The following ZFAT variants were observed in gnomAD, a reference collection of about 807,000 sequenced individuals.
ZFAT encodes zinc finger and AT-hook domain containing.
In ZFAT, 64 loss-of-function variants were observed where a neutral mutation model predicts 117.7. The ratio of observed to expected loss-of-function variants is 0.54; its 90% CI spans 0.44 to 0.67. The LOEUF is 0.67. Ranked by LOEUF, ZFAT falls within the 30% of genes least tolerant of loss-of-function variation. ZFAT has a pLI of 0.00. For synonymous variants in ZFAT, 679 were observed against 615.0 expected, an observed-to-expected ratio of 1.10 and a Z score of -1.54; for missense variants, 1,433 against 1,584.5, an observed-to-expected ratio of 0.90 and a Z score of 1.62.
At chr8:134,625,785 G>C (rs1829455618) in intron 3 of ZFAT, among the ~76,000 whole-genome samples, 1 of 151,672 alleles carries the variant, frequency 6.6e-6, no homozygotes, top group African/African-American at 2.4e-5. Flanking sequence ...AGATGTACAG[G>C]CTGCTGGGCA....
chr8:134,752,934 G>A, the ZFAT span, among the ~76,000 whole-genome samples: 1 of 152,148 alleles, frequency 6.6e-6, no homozygotes, highest in African/African-American at 2.4e-5. Context: ...GAATTTGGGG[G>A]TGGGGGAAGA....
At chr8:134,628,045 A>G (rs1212593927) in intron 3 of ZFAT, among the ~76,000 whole-genome samples, 1 of 152,182 alleles carries the variant, frequency 6.6e-6, no homozygotes, top group Non-Finnish European at 1.5e-5. Flanking sequence ...GAAGCTGAGC[A>G]CAAGGGAGGG....
At chr8:134,649,505 G>A (rs571425367) in intron 2 of ZFAT, among the ~76,000 whole-genome samples, 6 of 152,170 alleles carry the variant, frequency 3.9e-5, no homozygotes, top group African/African-American at 1.2e-4. Flanking sequence ...AACAAGTCCA[G>A]CAAAATTGCA....
At chr8:134,790,411 T>G in the ZFAT span, among the ~76,000 whole-genome samples, 1 of 152,186 alleles carries the variant, frequency 6.6e-6, no homozygotes, top group Non-Finnish European at 1.5e-5. Context: ...TCAGTTTTCT[T>G]GCTCGGTTAA....
chr8:134,509,588 A>G (rs1448210452), intron 15 of ZFAT, 31 bp downstream of exon 15: 1 of 1,612,362 alleles, frequency 6.2e-7, no homozygotes, highest in Non-Finnish European at 8.5e-7. Flanking sequence ...AGACACACAG[A>G]GATGAATAGT....
chr8:134,686,261 G>A (rs1383550799), intron 1 of ZFAT, among the ~76,000 whole-genome samples: 1 of 152,186 alleles, frequency 6.6e-6, no homozygotes, highest in East Asian at 1.9e-4. Context: ...AGAGGAATAA[G>A]CCTAACCCAG....
chr8:134,503,201 T>C (rs993696130), intron 15 of ZFAT, among the ~76,000 whole-genome samples: 1 of 152,206 alleles, frequency 6.6e-6, no homozygotes, highest in East Asian at 1.9e-4. Context: ...CATGGAGGAC[T>C]CCTGGGGGTT....
chr8:134,782,886 G>GTC, the ZFAT span, among the ~76,000 whole-genome samples: 23 of 151,994 alleles, frequency 1.5e-4, 1 homozygote, highest in Admixed American at 5.9e-4. Flanking sequence ...AATGAGACAA[G>GTC]TAAGTTTTAT....
intron 1 of ZFAT, among the ~76,000 whole-genome samples, chr8:134,705,498 T>C (rs967087861): frequency 1.1e-4 from 16 of 151,674 alleles, no homozygotes; most frequent in African/African-American, 3.9e-4. Flanking sequence ...ATTGAAGGCA[T>C]GAGCCACCAC....
chr8:134,666,859 A>C (rs893273588), intron 1 of ZFAT, among the ~76,000 whole-genome samples: 5 of 152,240 alleles, frequency 3.3e-5, no homozygotes, highest in African/African-American at 1.2e-4. Context: ...TATAGCTGAA[A>C]ACTTTCAAAA....
chr8:134,751,287 G>A, the ZFAT span, among the ~76,000 whole-genome samples: 1 of 152,298 alleles, frequency 6.6e-6, no homozygotes, highest in Non-Finnish European at 1.5e-5. Context: ...ACTTTTCACT[G>A]GGGTCAGGGG....
chr8:134,775,287 A>G, the ZFAT span, among the ~76,000 whole-genome samples: 15 of 152,312 alleles, frequency 9.8e-5, no homozygotes, highest in African/African-American at 3.6e-4. Context: ...TGTGTGCTGT[A>G]TATTACAATT....
intron 12 of ZFAT, among the ~76,000 whole-genome samples, chr8:134,524,389 AATTTTATTCCATG>A (rs1820875769): frequency 1.3e-5 from 2 of 152,192 alleles, no homozygotes; most frequent in South Asian, 4.1e-4. Flanking sequence ...CCATCTTTCA[AATTTTATTCCATG>A]GGAGAGTAAC....
the ZFAT span, chr8:134,784,761 G>A: frequency 3.3e-5 from 5 of 151,968 alleles, no homozygotes. Context: ...GTCAAAATAT[G>A]ACCAATATAG....
At chr8:134,779,870 G>A in the ZFAT span, among the ~76,000 whole-genome samples, 7,191 of 152,088 alleles carry the variant, frequency 0.047, 242 homozygotes, top group Non-Finnish European at 0.076. Context: ...AACCCTGAAG[G>A]TAGGATAAAT....
Position 134,600,552 on chromosome 8 carries a change from G to A in ZFAT, c.2359C>T (p.Arg787Cys), listed in dbSNP as rs775184032. ...YSSITKNCLK[R>C]HVIQKHSNIL... ...TTACTGTGTTTCTGAATTACGTGGCGTTTAAGGCAGTTTTTGGTGATGGAA... is the reference window on the plus strand; with the variant it reads ...TTACTGTGTTTCTGAATTACGTGGCATTTAAGGCAGTTTTTGGTGATGGAA... Residue 787 changes from arginine to cysteine, a missense_variant, in exon 7 of 16, where the codon CGC (arginine) becomes TGC (cysteine). Physicochemically the swap from Arg to Cys is radical, Grantham distance 180 (BLOSUM62 -3). Around this residue, in one of 5 missense-constraint regions of ZFAT, gnomAD observed 49 missense variants for 81.5 expected, o/e 0.60. Coordinates refer to ENST00000377838, the MANE Select transcript of ZFAT (RefSeq NM_020863.4). 3.1e-6 allele frequency: 5 copies of A among 1,614,138 alleles called. No homozygotes were observed. The highest frequency in any genetic ancestry group is 2.2e-5 in the East Asian group (1 of 44,888).
At chr8:134,514,993 G>A (rs1272337616) in intron 13 of ZFAT, among the ~76,000 whole-genome samples, 1 of 152,028 alleles carries the variant, frequency 6.6e-6, no homozygotes, top group Non-Finnish European at 1.5e-5. Context: ...GGTGTGTGAC[G>A]TTCCCCTCCC....
intron 1 of ZFAT, among the ~76,000 whole-genome samples, chr8:134,683,152 A>C (rs1833151049): frequency 6.6e-6 from 1 of 152,248 alleles, no homozygotes; most frequent in African/African-American, 2.4e-5. Flanking sequence ...CCCCCTTAGA[A>C]GTGGCTCCCT....
chr8:134,812,970 A>G, the ZFAT span, among the ~76,000 whole-genome samples: 2 of 152,212 alleles, frequency 1.3e-5, no homozygotes, highest in South Asian at 4.1e-4. Context: ...CTGGCTTCAG[A>G]GCCTACTCTC....
Sources: gnomAD v4.1 joint callset for allele counts (sites outside exome capture counted in the v4.1 genomes callset) on GRCh38, gnomAD v4.1.1 for gene constraint, gnomAD v4.1.1 regional missense constraint, MANE v1.5 for transcripts, NCBI Gene and HGNC (gene_info 2026-07-23, HGNC 2026-07-21) for gene names.